The following CDH12 variants were observed in gnomAD, a reference collection of about 807,000 sequenced individuals.
CDH12 encodes cadherin-12.
A neutral mutation model predicts 74.1 loss-of-function variants in CDH12; 41 were observed. The ratio of observed to expected loss-of-function variants is 0.55; its 90% CI spans 0.43 to 0.72. The LOEUF (loss-of-function observed/expected upper bound fraction) is 0.72, where lower values mean the gene tolerates loss of function less well. Ranked by LOEUF, CDH12 falls within the 30% of genes least tolerant of loss-of-function variation. The pLI is 0.00. For synonymous variants in CDH12, 399 were observed against 355.0 expected, an observed-to-expected ratio of 1.12 and a Z score of -1.39; for missense variants, 945 against 977.2, an observed-to-expected ratio of 0.97 and a Z score of 0.44.
chr5:22,231,096 C>T (rs1485304099), intron 3 of CDH12, among the ~76,000 whole-genome samples: 1 of 152,104 alleles, frequency 6.6e-6, no homozygotes, highest in Non-Finnish European at 1.5e-5. Context: ...AAAATAGAAC[C>T]TATTTTATGA....
chr5:21,957,889 T>C (rs1218687807), intron 6 of CDH12, among the ~76,000 whole-genome samples: 1 of 152,188 alleles, frequency 6.6e-6, no homozygotes. Flanking sequence ...GTTAATAGTT[T>C]CTTTTGCTAT....
At position 22,336,547 on chromosome 5, in the gene CDH12, C is replaced by G. The variant is rs553646070; in HGVS notation, c.-333+68710G>C. 2.4e-3 allele frequency among the ~76,000 whole-genome samples: 363 copies of G among 152,332 alleles called. 3 individuals are homozygous for G. The highest frequency in any genetic ancestry group is 7.9e-3 in the African/African-American group (330 of 41,590). ...CTTGGTGCCTGGCTTCCCAACCACT[C>G]CAGCTGTGATCAAAAGTGGCCAAGG... On this transcript the variant is annotated intron_variant, in intron 3 of 14. Coordinates refer to ENST00000382254, the MANE Select transcript of CDH12 (RefSeq NM_004061.5).
At chr5:21,852,211 C>A (rs1467483155) in intron 7 of CDH12, among the ~76,000 whole-genome samples, 5 of 151,328 alleles carry the variant, frequency 3.3e-5, no homozygotes, top group African/African-American at 1.2e-4. Context: ...GCTTCATCAT[C>A]CACTCTTTTC....
chr5:22,677,380 A>C (rs1443567985), intron 1 of CDH12, among the ~76,000 whole-genome samples: 1 of 152,102 alleles, frequency 6.6e-6, no homozygotes, highest in African/African-American at 2.4e-5. Context: ...TAAAATTTTG[A>C]AATTCAGTAT....
chr5:21,777,800 C>T (rs1289757616), intron 11 of CDH12, among the ~76,000 whole-genome samples: 1 of 152,126 alleles, frequency 6.6e-6, no homozygotes, highest in Non-Finnish European at 1.5e-5. Flanking sequence ...CTACCACTAA[C>T]ATTTTTAAGT....
chr5:22,171,854 T>C (rs1488484207), intron 4 of CDH12, among the ~76,000 whole-genome samples: 2 of 152,038 alleles, frequency 1.3e-5, no homozygotes, highest in African/African-American at 4.8e-5. Context: ...TGCTGATCTA[T>C]CTTTTTAAAG....
chr5:22,019,505 G>T (rs1402336826), intron 5 of CDH12, among the ~76,000 whole-genome samples: 2 of 152,134 alleles, frequency 1.3e-5, no homozygotes, highest in African/African-American at 4.8e-5. Flanking sequence ...AGGTCATGAA[G>T]GTGCAGCCTT....
chr5:22,171,895 C>A (rs1749051521), intron 4 of CDH12, among the ~76,000 whole-genome samples: 1 of 151,834 alleles, frequency 6.6e-6, no homozygotes, highest in Admixed American at 6.6e-5. Context: ...CCAGGAAGAT[C>A]CCCTAGGGAA....
At chr5:21,894,854 G>A (rs1753051534) in intron 6 of CDH12, among the ~76,000 whole-genome samples, 1 of 152,004 alleles carries the variant, frequency 6.6e-6, no homozygotes, top group Admixed American at 6.6e-5. Context: ...GATACCTTGT[G>A]ACTGCTCCTC....
At chr5:22,836,223 C>CTCTTTTTTTTTTTTTTT (rs1736814730) in intron 1 of CDH12, among the ~76,000 whole-genome samples, 1 of 65,506 alleles carries the variant, frequency 1.5e-5, no homozygotes, top group African/African-American at 6.2e-5. Context: ...CTTTCTTTCT[C>CTCTTTTTTTTTTTTTTT]TTTTTTTTTT....
intron 6 of CDH12, among the ~76,000 whole-genome samples, chr5:21,924,981 A>C (rs141140860): frequency 1.0e-3 from 159 of 152,350 alleles, no homozygotes; most frequent in African/African-American, 3.5e-3. Flanking sequence ...AACATATTTA[A>C]TTTGATCCAG....
At chr5:22,555,645 G>A (rs180942446) in intron 1 of CDH12, among the ~76,000 whole-genome samples, 166 of 151,806 alleles carry the variant, frequency 1.1e-3, no homozygotes, top group Non-Finnish European at 1.6e-3. Flanking sequence ...TTATCATTTC[G>A]TGGTCATCTT....
chr5:22,044,442 G>A (rs937028761), intron 5 of CDH12, among the ~76,000 whole-genome samples: 10 of 152,122 alleles, frequency 6.6e-5, no homozygotes, highest in Non-Finnish European at 4.4e-5. Context: ...GAGAGAGCAG[G>A]AAAAGAGGAA....
At chr5:21,819,289 C>T (rs773695124) in intron 8 of CDH12, among the ~76,000 whole-genome samples, 1 of 151,938 alleles carries the variant, frequency 6.6e-6, no homozygotes, top group Non-Finnish European at 1.5e-5. Context: ...ATAAGGGTCC[C>T]TGAACTTCTG....
chr5:22,283,249 T>C (rs62350719), intron 3 of CDH12, among the ~76,000 whole-genome samples: 51,272 of 114,146 alleles, frequency 0.45, 11,523 homozygotes, highest in Admixed American at 0.52. Flanking sequence ...TATATATATA[T>C]ATACACACAC....
At chr5:22,751,338 A>C (rs867879370) in intron 1 of CDH12, among the ~76,000 whole-genome samples, 110 of 59,150 alleles carry the variant, frequency 1.9e-3, no homozygotes, top group African/African-American at 5.7e-3. Flanking sequence ...TATATAATAT[A>C]CATATATATA....
chr5:22,622,905 G>A (rs968931455), intron 1 of CDH12, among the ~76,000 whole-genome samples: 8 of 152,066 alleles, frequency 5.3e-5, no homozygotes, highest in Admixed American at 4.6e-4. Flanking sequence ...GATGAACATC[G>A]ATGCAAAAAT....
chr5:22,324,443 G>C (rs1739004741), intron 3 of CDH12, among the ~76,000 whole-genome samples: 1 of 151,858 alleles, frequency 6.6e-6, no homozygotes, highest in Non-Finnish European at 1.5e-5. Flanking sequence ...ACCCTCTTAA[G>C]TTAGATTGCA....
chr5:22,538,977 C>T (rs1737981883), intron 1 of CDH12, among the ~76,000 whole-genome samples: 2 of 152,166 alleles, frequency 1.3e-5, no homozygotes, highest in Non-Finnish European at 2.9e-5. Flanking sequence ...CTCACTGCAG[C>T]CTCAAACTCC....
Sources: gnomAD v4.1 joint callset for allele counts (sites outside exome capture counted in the v4.1 genomes callset) on GRCh38, gnomAD v4.1.1 for gene constraint, MANE v1.5 for transcripts, NCBI Gene and HGNC (gene_info 2026-07-23, HGNC 2026-07-21) for gene names.